The following RAP1GDS1 variants were observed in gnomAD, a reference collection of about 807,000 sequenced individuals.
RAP1GDS1 encodes the protein Rap1 GTPase-GDP dissociation stimulator 1, also known as RAP1, GTP-GDP dissociation stimulator 1.
Under a neutral mutation model 71.1 loss-of-function variants are expected in RAP1GDS1, and 35 were observed. The observed-to-expected ratio is 0.49, with a 90% confidence interval of 0.38 to 0.65. The LOEUF (loss-of-function observed/expected upper bound fraction) is 0.65, where lower values mean the gene tolerates loss of function less well. Ranked by LOEUF, RAP1GDS1 falls within the 30% of genes least tolerant of loss-of-function variation. RAP1GDS1 has a pLI of 0.00. For missense variants in RAP1GDS1, 663 were observed against 706.1 expected (o/e 0.94, Z 0.69); for synonymous variants, 229 against 243.1 (o/e 0.94, Z 0.54).
intron 2 of RAP1GDS1, among the ~76,000 whole-genome samples, chr4:98,319,784 A>G (rs1017349292): frequency 1.3e-5 from 2 of 151,094 alleles, no homozygotes; most frequent in African/African-American, 4.9e-5. Context: ...GTCTCAAAAA[A>G]AAAAAAAAAA....
rs1752102051 is a variant in RAP1GDS1, at chr4:98,443,240, G to A, written c.*1123G>A. The A allele has an allele frequency of 8.6e-6, 2 of 232,428 alleles. No individual in the cohort carries two copies. Among genetic ancestry groups the A allele is most frequent in the African/African-American group, 2.2e-5 (1 of 45,182 alleles). 14.4% of individuals were successfully genotyped at this position (232,428 alleles called of 1,614,324 possible). On this transcript the variant is annotated 3_prime_UTR_variant, in exon 15 of 15. Coordinates refer to ENST00000408927, the MANE Select transcript of RAP1GDS1 (RefSeq NM_001100427.2). ...TGGCCCCATACCAATCGCTGTTAGA[G>A]TTTGCCACCTCCACTTTCCCACTGA...
intron 12 of RAP1GDS1, among the ~76,000 whole-genome samples, chr4:98,424,171 A>G (rs1448878373): frequency 6.6e-6 from 1 of 152,156 alleles, no homozygotes; most frequent in African/African-American, 2.4e-5. Context: ...ATGCCATTCA[A>G]CAAAATAAAA....
At chr4:98,261,870 G>A (rs1173396141) in intron 1 of RAP1GDS1, among the ~76,000 whole-genome samples, 1 of 152,124 alleles carries the variant, frequency 6.6e-6, no homozygotes, top group Admixed American at 6.5e-5. Flanking sequence ...CGGGCACCAC[G>A]GAGCCTGCCT....
chr4:98,279,804 T>C (rs1334286193), intron 1 of RAP1GDS1, among the ~76,000 whole-genome samples: 3 of 152,170 alleles, frequency 2.0e-5, no homozygotes, highest in Non-Finnish European at 2.9e-5. Context: ...TTCCCTGCCC[T>C]GTGTCCAAGT....
rs78469736 is a variant in RAP1GDS1 at position 98,319,812 on chromosome 4, C to A, written c.113-23327C>A. Reference sequence around the variant, plus strand: ...AAAAAAAAAAAAAGAGAGAAATTGGCGTTTGAACTACACAGGTCCTCTTAT... The same window carrying A: ...AAAAAAAAAAAAAGAGAGAAATTGGAGTTTGAACTACACAGGTCCTCTTAT... On this transcript the variant is annotated intron_variant, in intron 2 of 14. Transcript: ENST00000408927. 3.6e-3 allele frequency among the ~76,000 whole-genome samples: 538 copies of A among 149,026 alleles called. 4 individuals are homozygous for A. Among genetic ancestry groups the A allele is most frequent in the African/African-American group, 0.012 (503 of 40,546 alleles).
rs139558138 is a variant in RAP1GDS1, at chr4:98,441,917, C to T, written c.1697-73C>T. ...ATAAGCTTAGTCTTGTCAAAATAAA[C>T]ATTTTGGTATATGTTTTGGATAGAC... is the stretch of plus-strand genomic sequence containing the variant. On this transcript the variant is annotated intron_variant, in intron 14 of 14. Coordinates refer to ENST00000408927, the MANE Select transcript of RAP1GDS1 (RefSeq NM_001100427.2). 5 of 1,501,570 alleles carry T rather than the reference C, an allele frequency of 3.3e-6. No individual in the cohort carries two copies. In the African/African-American group the frequency reaches 6.9e-5, roughly 21 times the overall value. 93.0% of individuals were successfully genotyped at this position (1,501,570 alleles called of 1,614,324 possible).
At chr4:98,282,696 T>C (rs1725324870) in intron 1 of RAP1GDS1, among the ~76,000 whole-genome samples, 1 of 152,156 alleles carries the variant, frequency 6.6e-6, no homozygotes, top group Admixed American at 6.6e-5. Flanking sequence ...TCTCTAGTTC[T>C]TTTAATTGTG....
chr4:98,293,475 A>G lies in RAP1GDS1; in HGVS notation c.72A>G (p.Glu24=), dbSNP rs750960152. Residue 24 remains glutamate (E), a synonymous_variant, in exon 2 of 15, where the codon GAA becomes GAG. Transcript: ENST00000408927. Reference sequence around the variant, plus strand: ...TTGACAAGACTGAGGATAGTTTAGAAGGATGCTTGGATTGTCTGCTTCAAG... The same window carrying G: ...TTGACAAGACTGAGGATAGTTTAGAGGGATGCTTGGATTGTCTGCTTCAAG... The part of the protein sequence containing the change: ...TAVDKTEDSL[E]GCLDCLLQAL... 1 of 1,610,638 alleles carries G rather than the reference A, an allele frequency of 6.2e-7. No individual in the cohort carries two copies. Among genetic ancestry groups the G allele is most frequent in the Non-Finnish European group, 8.5e-7 (1 of 1,178,712 alleles).
At chr4:98,343,298 T>C in intron 3 of RAP1GDS1, 37 bp downstream of exon 3, 1 of 1,548,664 alleles carries the variant, frequency 6.5e-7, no homozygotes, top group Non-Finnish European at 8.9e-7. Context: ...GCTGGGAACG[T>C]CTTCAGTTTT....
intron 5 of RAP1GDS1, among the ~76,000 whole-genome samples, chr4:98,381,090 T>C (rs1318174787): frequency 1.3e-5 from 2 of 151,720 alleles, no homozygotes; most frequent in African/African-American, 4.8e-5. Flanking sequence ...ATAATATATA[T>C]ATTTTTTGAA....
chr4:98,317,416 T>C (rs955178121), intron 2 of RAP1GDS1, among the ~76,000 whole-genome samples: 7 of 152,116 alleles, frequency 4.6e-5, no homozygotes, highest in African/African-American at 1.4e-4. Context: ...ACATTATATG[T>C]TTTTAGAACA....
chr4:98,359,644 A>T (rs1432318257), intron 4 of RAP1GDS1, among the ~76,000 whole-genome samples: 1 of 152,198 alleles, frequency 6.6e-6, no homozygotes, highest in East Asian at 1.9e-4. Context: ...AGAGATCTTG[A>T]TTGTGCATCC....
At chr4:98,331,360 G>A (rs1462509119) in intron 2 of RAP1GDS1, among the ~76,000 whole-genome samples, 1 of 144,826 alleles carries the variant, frequency 6.9e-6, no homozygotes, top group Admixed American at 6.8e-5. Context: ...GAGAGGGAGA[G>A]AGAGAGGGAG....
chr4:98,404,556 T>C lies in RAP1GDS1; in HGVS notation c.717T>C (p.Asp239=). ...VKLFKKQIEH[D]KREMIFEVLA... ...TCTTCAAGAAACAAATAGAACATGA[T>C]AAGAGAGAAATGATTTTTGAAGTTC... Residue 239 remains aspartate (D), a synonymous_variant, in exon 7 of 15, where the codon GAT becomes GAC. Transcript: ENST00000408927. The C allele has an allele frequency of 1.2e-6, 2 of 1,606,468 alleles. No individual in the cohort carries two copies. Among genetic ancestry groups the C allele is most frequent in the Non-Finnish European group, 1.7e-6 (2 of 1,177,072 alleles).
chr4:98,317,968 CAGT>C (rs1264208282), intron 2 of RAP1GDS1, among the ~76,000 whole-genome samples: 1 of 151,432 alleles, frequency 6.6e-6, no homozygotes, highest in Non-Finnish European at 1.5e-5. Context: ...TCAGCTTCCT[CAGT>C]AGCTGGAATT....
In RAP1GDS1 at chr4:98,430,866, A is replaced by G. The variant is rs572711367; in HGVS notation, c.1441-3070A>G. Among the ~76,000 whole-genome samples the G allele has an allele frequency of 3.9e-5, 6 of 152,264 alleles. No homozygotes were observed. In the South Asian group the frequency reaches 8.3e-4, roughly 21 times the overall value. ...ACCCTGAATTCCGTCTTGGAGTTCA[A>G]CCCTTCAAAAGTTTGCACTGACTCA... On this transcript the variant is annotated intron_variant, in intron 12 of 14. Coordinates refer to ENST00000408927, the MANE Select transcript of RAP1GDS1 (RefSeq NM_001100427.2).
At chr4:98,440,231 A>G (rs1304625009) in intron 14 of RAP1GDS1, among the ~76,000 whole-genome samples, 2 of 152,312 alleles carry the variant, frequency 1.3e-5, no homozygotes, top group Middle Eastern at 3.4e-3. Context: ...CCATTCATCA[A>G]TCCATGGACA....
At chr4:98,345,405 G>A (rs1177108698) in intron 3 of RAP1GDS1, among the ~76,000 whole-genome samples, 1 of 152,172 alleles carries the variant, frequency 6.6e-6, no homozygotes, top group Non-Finnish European at 1.5e-5. Flanking sequence ...CCTTTGTGCT[G>A]ACATTCAAAA....
At chr4:98,347,966 C>A (rs1353767144) in intron 3 of RAP1GDS1, among the ~76,000 whole-genome samples, 1 of 152,038 alleles carries the variant, frequency 6.6e-6, no homozygotes, top group East Asian at 1.9e-4. Flanking sequence ...TAAACATATT[C>A]TTTTTTATTA....
Sources: allele counts gnomAD v4.1 joint callset (sites outside exome capture counted in the v4.1 genomes callset), GRCh38; gene constraint gnomAD v4.1.1; transcripts MANE v1.5; gene names NCBI Gene and HGNC (gene_info 2026-07-23, HGNC 2026-07-21).